SMARCA2: variants seen among roughly 807,000 people sequenced by gnomAD.
The protein encoded by SMARCA2 is SWI/SNF-related matrix-associated actin-dependent regulator of chromatin subfamily A member 2.
Under a neutral mutation model 199.8 loss-of-function variants are expected in SMARCA2, and 61 were observed. The ratio of observed to expected loss-of-function variants is 0.31; its 90% CI spans 0.25 to 0.38. The LOEUF (loss-of-function observed/expected upper bound fraction) is 0.38. Ranked by LOEUF, SMARCA2 falls within the 10% of genes least tolerant of loss-of-function variation. SMARCA2 has a pLI of 1.00. For synonymous variants in SMARCA2, 935 were observed against 732.0 expected (o/e 1.28, Z -4.48); for missense variants, 1,344 against 2,012.2 (o/e 0.67, Z 6.35).
At chr9:2,140,379 G>A (rs576496761) in intron 27 of SMARCA2, among the ~76,000 whole-genome samples, 46 of 152,250 alleles carry the variant, frequency 3.0e-4, no homozygotes, top group African/African-American at 9.6e-4. Flanking sequence ...GCAGACTACC[G>A]TGTCAGCATT....
rs73393347 is a variant in SMARCA2, at chr9:2,163,501, C to T, written c.4199+1598C>T. ...TTACGTTTTTACTCACCCCCAAGCT[C>T]CCCTTGTATATTTGCCACAGAAAGG... On this transcript the variant is annotated intron_variant, in intron 28 of 33. Coordinates refer to ENST00000349721, the MANE Select transcript of SMARCA2 (RefSeq NM_003070.5). Among the ~76,000 whole-genome samples the T allele has an allele frequency of 6.0e-3, 907 of 152,320 alleles. 5 individuals carry two copies. The highest frequency in any genetic ancestry group is 0.02 in the African/African-American group (848 of 41,568).
At chr9:2,186,918 C>T (rs1256394005) in intron 32 of SMARCA2, among the ~76,000 whole-genome samples, 5 of 152,214 alleles carry the variant, frequency 3.3e-5, no homozygotes, top group Non-Finnish European at 5.9e-5. Context: ...CTCTTCTTTA[C>T]CACGGTGGTT....
chr9:2,152,970 G>A (rs11787946), intron 27 of SMARCA2, among the ~76,000 whole-genome samples: 116,687 of 151,814 alleles, frequency 0.77, 45,279 homozygotes, highest in Middle Eastern at 0.88. Flanking sequence ...GGAAATTGGT[G>A]AAGGTGAACT....
intron 1 of SMARCA2, among the ~76,000 whole-genome samples, chr9:2,018,757 T>C (rs1818472381): frequency 1.3e-5 from 2 of 152,196 alleles, no homozygotes; most frequent in Non-Finnish European, 2.9e-5. Context: ...TAATAATAAT[T>C]TAAAAAGCCA....
intron 3 of SMARCA2, among the ~76,000 whole-genome samples, chr9:2,034,095 A>G (rs1181697556): frequency 6.6e-6 from 1 of 152,066 alleles, no homozygotes; most frequent in African/African-American, 2.4e-5. Context: ...ACATACAAAA[A>G]TCAGCTGGGC....
chr9:2,162,753 T>A (rs1232159146), intron 28 of SMARCA2: 4 of 152,120 alleles, frequency 2.6e-5, no homozygotes, highest in African/African-American at 9.7e-5. Flanking sequence ...TTGAAAAAAA[T>A]TTTTTCTTAA....
Position 2,182,212 on chromosome 9 carries a change from C to T in SMARCA2, c.4431C>T (p.Asn1477=), listed in dbSNP as rs1235244846. ...AGGATGTCATGCTTCTCTGTCACAACGCTCAGACGTTCAACCTGGAGGGAT... is the reference window on the plus strand; with the variant it reads ...AGGATGTCATGCTTCTCTGTCACAATGCTCAGACGTTCAACCTGGAGGGAT... ...LEKDVMLLCH[N]AQTFNLEGSQ... The change falls in exon 31 of 34, where the codon AAC becomes AAT. Residue 1477 remains asparagine (N), a synonymous_variant. Coordinates refer to ENST00000349721, the MANE Select transcript of SMARCA2 (RefSeq NM_003070.5). The T allele has an allele frequency of 8.7e-6, 14 of 1,613,264 alleles. 1 individual carries two copies. In the East Asian group the frequency reaches 2.2e-4, roughly 26 times the overall value.
chr9:2,157,068 A>G (rs1412169040), intron 27 of SMARCA2, among the ~76,000 whole-genome samples: 1 of 152,228 alleles, frequency 6.6e-6, no homozygotes, highest in African/African-American at 2.4e-5. Context: ...TTCTGCATCC[A>G]AAAGTGCTAC....
chr9:2,099,726 T>C (rs1010734908), intron 21 of SMARCA2, among the ~76,000 whole-genome samples: 1 of 152,186 alleles, frequency 6.6e-6, no homozygotes, highest in Admixed American at 6.5e-5. Flanking sequence ...TTGTGTTTCG[T>C]TTGCCACACA....
At position 2,110,009 on chromosome 9, in the gene SMARCA2, T is replaced by C. The variant is rs1822927651; in HGVS notation, c.3293-245T>C. Among the ~76,000 whole-genome samples, 2 of 152,230 alleles carry C rather than the reference T, an allele frequency of 1.3e-5. No homozygotes were observed. The highest frequency in any genetic ancestry group is 6.5e-5 in the Admixed American group (1 of 15,284). ...TCATTGTTTTAGGTGAGAGTAAGGA[T>C]TTTGTAAAATTTGTGAAGTTGCGAA... On this transcript the variant is annotated intron_variant, in intron 23 of 33. Coordinates refer to ENST00000349721, the MANE Select transcript of SMARCA2 (RefSeq NM_003070.5). This position sits in a 1 kb window ranked among gnomAD's most constrained non-coding sequence, Gnocchi z 4.8.
At chr9:2,064,315 C>A (rs1396653142) in intron 9 of SMARCA2, among the ~76,000 whole-genome samples, 1 of 152,172 alleles carries the variant, frequency 6.6e-6, no homozygotes. Context: ...AGATCTATTA[C>A]CATAGTGCTT....
At position 2,039,956 on chromosome 9, in the gene SMARCA2, A is replaced by G; in HGVS notation, c.790+56A>G. The G allele has an allele frequency of 6.3e-7, 1 of 1,592,948 alleles. No individual in the cohort carries two copies. The highest frequency in any genetic ancestry group is 2.2e-5 in the East Asian group (1 of 44,678). On this transcript the variant is annotated intron_variant, in intron 4 of 33. Coordinates refer to ENST00000349721, the MANE Select transcript of SMARCA2 (RefSeq NM_003070.5). The surrounding 1 kb of genome is among the most constrained non-coding windows in gnomAD (Gnocchi z 4.8). Reference sequence around the variant, plus strand: ...CCATGGTCCAACTCGGATAACAAAGACTGCTCACCAAAACACCGGGTTGTT... The same window carrying G: ...CCATGGTCCAACTCGGATAACAAAGGCTGCTCACCAAAACACCGGGTTGTT...
chr9:2,119,914 G>T lies in SMARCA2; in HGVS notation c.3762+379G>T, dbSNP rs568219807. ...TACCATAGACGCCCTCCTGTTCCCA[G>T]TTCGTTTCTAATCCCAGGCCAGTGT... On this transcript the variant is annotated intron_variant, in intron 26 of 33. Transcript: ENST00000349721. This position sits in a 1 kb window ranked among gnomAD's most constrained non-coding sequence, Gnocchi z 4.6. 6.6e-6 allele frequency among the ~76,000 whole-genome samples: 1 copy of T among 152,184 alleles called. No individual in the cohort carries two copies. The highest frequency in any genetic ancestry group is 6.5e-5 in the Admixed American group (1 of 15,276).
chr9:2,159,678 C>T lies in SMARCA2; in HGVS notation c.3982-2008C>T, dbSNP rs41314207. ...AAAACAGGCTGAAGGAGGAAGCCTT[C>T]GGGCCTTGTAGTAGGTAGCATGAAA... On this transcript the variant is annotated intron_variant, in intron 27 of 33. Coordinates refer to ENST00000349721, the MANE Select transcript of SMARCA2 (RefSeq NM_003070.5). 9.9e-3 allele frequency: 10,896 copies of T among 1,095,532 alleles called. 78 individuals carry two copies. The highest frequency in any genetic ancestry group is 0.012 in the Non-Finnish European group (9,138 of 781,540). 67.9% of individuals were successfully genotyped at this position (1,095,532 alleles called of 1,614,324 possible).
chr9:2,069,428 G>A (rs965194732), intron 9 of SMARCA2, among the ~76,000 whole-genome samples: 11 of 151,628 alleles, frequency 7.3e-5, no homozygotes, highest in African/African-American at 2.4e-4. Context: ...GCGTGGTGGC[G>A]GTCGCCTGTA....
In SMARCA2 at chr9:2,088,879, A is replaced by ATTTTTTTTTTTTTT. The variant is rs375056248; in HGVS notation, c.2883+268_2883+281dup. ...AGTCTCATTTACATTTTAATTTTAG[A>ATTTTTTTTTTTTTT]TTTTTTTTTTTTTTTAAATTACGGA... On this transcript the variant is annotated intron_variant, in intron 19 of 33. Transcript: ENST00000349721. Among the ~76,000 whole-genome samples, 196 of 137,922 alleles carry ATTTTTTTTTTTTTT rather than the reference A, an allele frequency of 1.4e-3. 1 individual carries two copies. In the East Asian group the frequency reaches 0.016, roughly 11 times the overall value. 90.5% of individuals were successfully genotyped at this position (137,922 alleles called of 152,430 possible).
At chr9:2,080,028 C>T (rs1355860526) in intron 14 of SMARCA2, 1 of 152,224 alleles carries the variant, frequency 6.6e-6, no homozygotes, top group Non-Finnish European at 1.5e-5. Context: ...TTCCTGGAAT[C>T]TTGACTAGCC....
At chr9:2,160,211 CTTT>C (rs147266408) in intron 27 of SMARCA2, 515 of 271,504 alleles carry the variant, frequency 1.9e-3, no homozygotes, top group Middle Eastern at 3.4e-3. Context: ...TAATGTGAAG[CTTT>C]TTTTTTTTTT....
intron 21 of SMARCA2, among the ~76,000 whole-genome samples, chr9:2,098,727 G>C (rs748413863): frequency 6.6e-6 from 1 of 152,160 alleles, no homozygotes; most frequent in Admixed American, 6.5e-5. Flanking sequence ...CCTGAGGTCA[G>C]GAGTTCGAGA....
Sources: allele counts gnomAD v4.1 joint callset (sites outside exome capture counted in the v4.1 genomes callset), GRCh38; gene constraint gnomAD v4.1.1; non-coding constraint Gnocchi (gnomAD v3.1); transcripts MANE v1.5; gene names NCBI Gene and HGNC (gene_info 2026-07-23, HGNC 2026-07-21).